The following LITAF variants were observed in gnomAD, a reference collection of about 807,000 sequenced individuals.
LITAF encodes lipopolysaccharide induced TNF factor, also known as lipopolysaccharide-induced tumor necrosis factor-alpha factor.
In LITAF, 9 loss-of-function variants were observed where a neutral mutation model predicts 14.5. The ratio of observed to expected loss-of-function variants is 0.62; its 90% CI spans 0.37 to 1.08. The LOEUF (loss-of-function observed/expected upper bound fraction) is 1.08, where lower values mean the gene tolerates loss of function less well. LITAF is among the 50% of genes least tolerant of loss of function. The probability of loss-of-function intolerance (pLI) is 0.01; values close to 1 mark genes in which losing one functional copy is unlikely to be tolerated. For synonymous variants in LITAF, 98 were observed against 88.2 expected, an observed-to-expected ratio of 1.11 and a Z score of -0.62; for missense variants, 206 against 213.4, an observed-to-expected ratio of 0.97 and a Z score of 0.22.
At chr16:11,633,928 T>C (rs998108717) in intron 2 of LITAF, among the ~76,000 whole-genome samples, 2 of 152,150 alleles carry the variant, frequency 1.3e-5, no homozygotes, top group African/African-American at 4.8e-5. Context: ...ATTAACTGAA[T>C]TGATGCATGG....
At chr16:11,619,047 A>C (rs899422787) in intron 3 of LITAF, among the ~76,000 whole-genome samples, 1 of 151,682 alleles carries the variant, frequency 6.6e-6, no homozygotes, top group African/African-American at 2.4e-5. Context: ...ACGGTGGCTT[A>C]CGCCTGTAAT....
At chr16:11,571,320 G>T (rs2064538418) in intron 1 of LITAF, among the ~76,000 whole-genome samples, 1 of 152,166 alleles carries the variant, frequency 6.6e-6, no homozygotes, top group African/African-American at 2.4e-5. Context: ...GCCTGCCTCG[G>T]CCTCCCAAAG....
intron 2 of LITAF, among the ~76,000 whole-genome samples, chr16:11,554,958 T>A (rs886248301): frequency 6.6e-6 from 1 of 152,156 alleles, no homozygotes; most frequent in African/African-American, 2.4e-5. Context: ...TAGAGTTAAC[T>A]GAACTTAGTA....
chr16:11,615,382 C>A (rs938207908), intron 3 of LITAF, among the ~76,000 whole-genome samples: 1 of 152,126 alleles, frequency 6.6e-6, no homozygotes, highest in Admixed American at 6.5e-5. Flanking sequence ...ACTAAAAATA[C>A]AAAAATTAGC....
At position 11,549,560 on chromosome 16, in the gene LITAF, T is replaced by C. The variant is rs1203124869; in HGVS notation, c.*77A>G. 9.0e-7 allele frequency: 1 copy of C among 1,112,958 alleles called. No individual in the cohort carries two copies. The highest frequency in any genetic ancestry group is 1.3e-5 in the South Asian group (1 of 75,528). 68.9% of individuals were successfully genotyped at this position (1,112,958 alleles called of 1,614,324 possible). ...GAGGTGAGACCACCAGGGCAGAACC[T>C]CCACCAGGCGTGAAGCTGGATGAGA... On this transcript the variant is annotated 3_prime_UTR_variant, in exon 4 of 4. Transcript: ENST00000622633. The surrounding 1 kb of genome is among the most constrained non-coding windows in gnomAD (Gnocchi z 4.6).
intron 3 of LITAF, among the ~76,000 whole-genome samples, chr16:11,552,087 T>C (rs921108137): frequency 6.6e-6 from 1 of 152,150 alleles, no homozygotes; most frequent in Non-Finnish European, 1.5e-5. Flanking sequence ...CTGAGCCTCT[T>C]ATTGAAGTTA....
At chr16:11,636,830 G>A (rs78549555), upstream of LITAF, among the ~76,000 whole-genome samples, 752 of 152,120 alleles carry the variant, frequency 4.9e-3, 5 homozygotes, top group African/African-American at 0.017. Flanking sequence ...AAATTCCACC[G>A]AGGACTCTGT....
At chr16:11,637,912 A>C (rs1434925211), upstream of LITAF, among the ~76,000 whole-genome samples, 2 of 42,934 alleles carry the variant, frequency 4.7e-5, no homozygotes, top group African/African-American at 2.2e-4. Flanking sequence ...ATATATATAT[A>C]TCTATATCTA....
upstream of LITAF, among the ~76,000 whole-genome samples, chr16:11,603,217 T>TA (rs1487751861): frequency 6.6e-6 from 1 of 152,276 alleles, no homozygotes; most frequent in Non-Finnish European, 1.5e-5. Context: ...AATTCTGTAC[T>TA]ATTTGTGTGT....
intron 3 of LITAF, among the ~76,000 whole-genome samples, chr16:11,619,826 G>T (rs969726743): frequency 1.3e-5 from 2 of 151,962 alleles, no homozygotes; most frequent in African/African-American, 4.8e-5. Flanking sequence ...TCCCACCTTG[G>T]CCTCTGATAT....
At chr16:11,598,820 G>A (rs1567259045), upstream of LITAF, among the ~76,000 whole-genome samples, 1 of 151,930 alleles carries the variant, frequency 6.6e-6, no homozygotes, top group Non-Finnish European at 1.5e-5. Context: ...AGCTATTTAT[G>A]TATTTATTTA....
intron 1 of LITAF, among the ~76,000 whole-genome samples, chr16:11,592,764 G>A (rs992256785): frequency 1.3e-5 from 2 of 152,066 alleles, no homozygotes; most frequent in Admixed American, 6.6e-5. Context: ...GGTCGGGCAC[G>A]GTGGCTCATG....
intron 1 of LITAF, among the ~76,000 whole-genome samples, chr16:11,562,424 A>G (rs1168156480): frequency 6.6e-6 from 1 of 152,140 alleles, no homozygotes; most frequent in African/African-American, 2.4e-5. Context: ...TAAGTAGCCA[A>G]ATGTGACCGG....
At position 11,570,029 on chromosome 16, in the gene LITAF, CA is replaced by C. The variant is rs61431032; in HGVS notation, c.-5-13295del. Among the ~76,000 whole-genome samples the C allele has an allele frequency of 3.3e-3, 401 of 122,550 alleles. 1 individual carries two copies. The highest frequency in any genetic ancestry group is 8.8e-3 in the Middle Eastern group (2 of 228). The allele number at this position is 122,550 out of a possible 152,430, so 80.4% of individuals were successfully genotyped here. ...TGGGCCACAGAGCGAGACTTTGCCT[CA>C]AAAAAAAAAAAAAAGTTAAAATGGC... On this transcript the variant is annotated intron_variant, in intron 1 of 3. Coordinates refer to ENST00000622633, the MANE Select transcript of LITAF (RefSeq NM_001136472.2).
At chr16:11,623,575 G>A (rs1304434707) in intron 3 of LITAF, among the ~76,000 whole-genome samples, 2 of 150,912 alleles carry the variant, frequency 1.3e-5, no homozygotes, top group Non-Finnish European at 3.0e-5. Context: ...CAGGAGAATC[G>A]CTTGAACCCA....
rs558155310 is a variant in LITAF at position 11,605,794 on chromosome 16, G to A, written c.85+27739C>T. Among the ~76,000 whole-genome samples, 5 of 152,148 alleles carry A rather than the reference G, an allele frequency of 3.3e-5. No individual in the cohort carries two copies. Among genetic ancestry groups the A allele is most frequent in the East Asian group, 1.9e-4 (1 of 5,172 alleles). ...GAGAAAGAGAAGCAAGAGAGTTACCGTGAGAGCCCCGAGAGCTTCCCACAC... is the reference window on the plus strand; with the variant it reads ...GAGAAAGAGAAGCAAGAGAGTTACCATGAGAGCCCCGAGAGCTTCCCACAC... On this transcript the variant is annotated intron_variant, in intron 3 of 3. Coordinates refer to the LITAF transcript ENST00000574848. The surrounding 1 kb of genome is among the most constrained non-coding windows in gnomAD (Gnocchi z 4.7).
At chr16:11,619,197 G>A (rs1222379447) in intron 3 of LITAF, among the ~76,000 whole-genome samples, 1 of 151,904 alleles carries the variant, frequency 6.6e-6, no homozygotes, top group Non-Finnish European at 1.5e-5. Context: ...TGTAATCCCA[G>A]CTACTTGGGA....
intron 1 of LITAF, among the ~76,000 whole-genome samples, chr16:11,575,868 T>G (rs2064624528): frequency 1.3e-5 from 2 of 152,188 alleles, no homozygotes; most frequent in Non-Finnish European, 2.9e-5. Flanking sequence ...TTTTCTTTTC[T>G]TTTTTCTTTC....
chr16:11,606,938 C>T (rs1424826276), intron 3 of LITAF, among the ~76,000 whole-genome samples: 1 of 152,200 alleles, frequency 6.6e-6, no homozygotes, highest in African/African-American at 2.4e-5. Flanking sequence ...TGCGCCCGGC[C>T]TACTTCACTG....
Sources: gnomAD v4.1 joint callset for allele counts (sites outside exome capture counted in the v4.1 genomes callset) on GRCh38, gnomAD v4.1.1 for gene constraint, Gnocchi (gnomAD v3.1) non-coding constraint, MANE v1.5 for transcripts, NCBI Gene and HGNC (gene_info 2026-07-23, HGNC 2026-07-21) for gene names.